PRRC2C: variants seen among roughly 807,000 people sequenced by gnomAD.
The protein encoded by PRRC2C is protein PRRC2C.
Under a neutral mutation model 317.2 loss-of-function variants are expected in PRRC2C, and 72 were observed. The observed-to-expected ratio is 0.23, with a 90% CI of 0.19 to 0.28. PRRC2C has a LOEUF of 0.28. PRRC2C is among the 10% of genes least tolerant of loss of function. PRRC2C has a pLI of 1.00. For missense variants in PRRC2C, 3,074 were observed against 3,459.7 expected (o/e 0.89, Z 2.80); for synonymous variants, 1,296 against 1,205.9 (o/e 1.07, Z -1.55).
At chr1:171,520,635 A>G (rs540830306) in intron 6 of PRRC2C, among the ~76,000 whole-genome samples, 1 of 152,262 alleles carries the variant, frequency 6.6e-6, no homozygotes, top group East Asian at 1.9e-4. Context: ...AACTTTAGCT[A>G]TGAACATATG....
rs970871279 is a variant in PRRC2C at position 171,592,999 on chromosome 1, G to C, written c.*1152G>C. ...GTAGTGACCGTGCTTTATCAGAGCT[G>C]TTTTTAATGATGTTATTCTAGAATG... On this transcript the variant is annotated 3_prime_UTR_variant, in exon 35 of 35. Coordinates refer to ENST00000647382, the MANE Select transcript of PRRC2C (RefSeq NM_001387844.1). 1.3e-5 allele frequency: 2 copies of C among 152,108 alleles called. No individual in the cohort carries two copies. Among genetic ancestry groups the C allele is most frequent in the African/African-American group, 4.8e-5 (2 of 41,522 alleles). 9.4% of individuals were successfully genotyped at this position (152,108 alleles called of 1,614,324 possible). A position where few individuals can be genotyped will look rare whatever the true frequency, so the allele number is the denominator to read the frequency against.
chr1:171,542,678 C>G (rs1678173458), intron 16 of PRRC2C, among the ~76,000 whole-genome samples: 1 of 152,162 alleles, frequency 6.6e-6, no homozygotes, highest in African/African-American at 2.4e-5. Context: ...TGTTCTACTA[C>G]CAAGGACACC....
intron 18 of PRRC2C, among the ~76,000 whole-genome samples, chr1:171,555,807 G>T (rs1391631052): frequency 6.6e-6 from 1 of 152,216 alleles, no homozygotes; most frequent in East Asian, 1.9e-4. Flanking sequence ...AAATATTGCA[G>T]AACAGCAAAT....
chr1:171,539,918 C>T, intron 15 of PRRC2C, 53 bp from the exon 16 acceptor site: 8 of 1,423,542 alleles, frequency 5.6e-6, no homozygotes, highest in Admixed American at 4.2e-5. Context: ...TATATACTTA[C>T]GCATGGGAAA....
intron 6 of PRRC2C, among the ~76,000 whole-genome samples, chr1:171,519,291 GT>G (rs1478307487): frequency 1.3e-5 from 2 of 152,176 alleles, no homozygotes; most frequent in African/African-American, 4.8e-5. Flanking sequence ...TTGCAATGCT[GT>G]TATACATAAA....
rs1204050363 is a variant in PRRC2C, at chr1:171,498,915, C to T, written c.-57-13117C>T. 9.9e-5 allele frequency among the ~76,000 whole-genome samples: 15 copies of T among 152,194 alleles called. No homozygotes were observed. The East Asian group carries it at 2.9e-3, about 29-fold the overall frequency. Reference sequence around the variant, plus strand: ...CTCCTGGGTTCAAATGGCCCTTCCACCTCAGCCTCCTGAGTAGCTGGGACG... The same window carrying T: ...CTCCTGGGTTCAAATGGCCCTTCCATCTCAGCCTCCTGAGTAGCTGGGACG... On this transcript the variant is annotated intron_variant, in intron 1 of 34. Coordinates refer to ENST00000647382, the MANE Select transcript of PRRC2C (RefSeq NM_001387844.1).
rs1678916343 is a variant in PRRC2C at position 171,545,508 on chromosome 1, C to G, written c.4793C>G (p.Thr1598Ser). The G allele has an allele frequency of 3.8e-6, 6 of 1,578,928 alleles. No individual in the cohort carries two copies. The highest frequency in any genetic ancestry group is 5.2e-6 in the Non-Finnish European group (6 of 1,161,840). ...GPFDDQPAGT[T>S]GVDLINGSSA... ...TTTGATGACCAGCCTGCAGGCACAACTGGGGTTGACCTCATCAATGGCAGC... is the reference window on the plus strand; with the variant it reads ...TTTGATGACCAGCCTGCAGGCACAAGTGGGGTTGACCTCATCAATGGCAGC... Residue 1598 changes from threonine to serine, a missense_variant, in exon 17 of 35, where the codon ACT becomes AGT. Around this residue, in one of 11 missense-constraint regions of PRRC2C, gnomAD observed 178 missense variants for 163.0 expected, o/e 1.09. Coordinates refer to ENST00000647382, the MANE Select transcript of PRRC2C (RefSeq NM_001387844.1).
Position 171,540,031 on chromosome 1 carries a change from A to C in PRRC2C, c.2565A>C (p.Gln855His), listed in dbSNP as rs149042601. Residue 855 changes from glutamine (Q) to histidine (H), a missense_variant, in exon 16 of 35, where the codon CAA becomes CAC. Physicochemically the swap from Gln to His is conservative, Grantham distance 24 (BLOSUM62 0). Around this residue, in one of 11 missense-constraint regions of PRRC2C, gnomAD observed 1,320 missense variants for 1,395.7 expected, o/e 0.95. Transcript: ENST00000647382. ...CTGCTTATTCTGTAGAACATAATCA[A>C]TTAGAGGCTCACCCAAAGGCAGACT... The part of the protein sequence containing the change: ...ITAAYSVEHN[Q>H]LEAHPKADFI... 4 of 1,613,870 alleles carry C rather than the reference A, an allele frequency of 2.5e-6. No homozygotes were observed. The highest frequency in any genetic ancestry group is 3.4e-6 in the Non-Finnish European group (4 of 1,179,884).
In PRRC2C at chr1:171,566,658, T is replaced by C; in HGVS notation, c.6373T>C (p.Leu2125=). 5 of 1,609,684 alleles carry C rather than the reference T, an allele frequency of 3.1e-6. No individual in the cohort carries two copies. Among genetic ancestry groups the C allele is most frequent in the Non-Finnish European group, 4.2e-6 (5 of 1,177,692 alleles). ...TGGTCCCATTGGAAAGGAACGTTCA[T>C]TAAAAAATAGAAAAGTAAAAGATGC... is the stretch of plus-strand genomic sequence containing the variant. ...KPGPIGKERS[L]KNRKVKDAQQ... The change falls in exon 22 of 35, where the codon TTA becomes CTA. Residue 2125 remains leucine, a synonymous_variant. Transcript: ENST00000647382.
intron 12 of PRRC2C, among the ~76,000 whole-genome samples, chr1:171,533,756 T>C (rs1003765029): frequency 6.6e-6 from 1 of 152,162 alleles, no homozygotes; most frequent in African/African-American, 2.4e-5. Context: ...CCCAAGTAGC[T>C]GGGGCTACAG....
Position 171,587,771 on chromosome 1 carries a change from T to G in PRRC2C, c.8072+20T>G. On this transcript the variant is annotated intron_variant, in intron 32 of 34. Coordinates refer to ENST00000647382, the MANE Select transcript of PRRC2C (RefSeq NM_001387844.1). ...CTTCCGGTAAAATGGGCATTTAAAT[T>G]TGCTTATGAAATTCCAATTTGGTCA... 6.4e-7 allele frequency: 1 copy of G among 1,555,590 alleles called. No individual in the cohort carries two copies. The highest frequency in any genetic ancestry group is 8.9e-7 in the Non-Finnish European group (1 of 1,128,928).
chr1:171,589,019 T>A (rs959238872), intron 33 of PRRC2C, among the ~76,000 whole-genome samples: 2 of 152,236 alleles, frequency 1.3e-5, no homozygotes, highest in African/African-American at 4.8e-5. Context: ...TTGATTTTAT[T>A]TATCTTCAGA....
At position 171,535,465 on chromosome 1, in the gene PRRC2C, C is replaced by G. The variant is rs1289745480; in HGVS notation, c.1911C>G (p.Arg637=). ...TTTTCACTAGACAAGACAGCAATCG[C>G]AGTGAAAAGGAAGCCACACCAGTGG... The part of the protein sequence containing the change: ...EPVFTRQDSN[R]SEKEATPVVH... The change falls in exon 13 of 35, where the codon CGC becomes CGG. Residue 637 remains arginine (R), a synonymous_variant. Coordinates refer to ENST00000647382, the MANE Select transcript of PRRC2C (RefSeq NM_001387844.1). The G allele has an allele frequency of 6.2e-6, 10 of 1,613,686 alleles. No individual in the cohort carries two copies. In the African/African-American group the frequency reaches 1.2e-4, roughly 19 times the overall value.
At chr1:171,591,047 C>A in intron 34 of PRRC2C, 3 of 459,842 alleles carry the variant, frequency 6.5e-6, no homozygotes, top group Non-Finnish European at 8.6e-6. Flanking sequence ...GGCACATAGT[C>A]AAAACTAAGA....
Position 171,584,520 on chromosome 1 carries a change from C to A in PRRC2C, c.7743C>A (p.Leu2581=). 1 of 1,578,860 alleles carries A rather than the reference C, an allele frequency of 6.3e-7. No homozygotes were observed. The highest frequency in any genetic ancestry group is 2.3e-5 in the East Asian group (1 of 43,360). Residue 2581 remains leucine (L), a synonymous_variant, in exon 30 of 35, where the codon CTC becomes CTA. Coordinates refer to ENST00000647382, the MANE Select transcript of PRRC2C (RefSeq NM_001387844.1). The part of the protein sequence containing the change: ...FYNTAQSPSA[L]QQVTVPLPAS... Reference sequence around the variant, plus strand: ...ACACTGCCCAGTCACCAAGTGCTCTCCAGCAGGTAAACTATGGCATGGTAA... The same window carrying A: ...ACACTGCCCAGTCACCAAGTGCTCTACAGCAGGTAAACTATGGCATGGTAA...
chr1:171,537,544 G>A lies in PRRC2C; in HGVS notation c.2504+71G>A, dbSNP rs979741602. 1.3e-5 allele frequency: 18 copies of A among 1,334,580 alleles called. No homozygotes were observed. In the East Asian group the frequency reaches 4.3e-4, roughly 32 times the overall value. The allele number at this position is 1,334,580 out of a possible 1,614,324, so 82.7% of individuals were successfully genotyped here. A position where few individuals can be genotyped will look rare whatever the true frequency, so the allele number is the denominator to read the frequency against. ...AAAAGGAAAACTGTGTAGTGTTTCT[G>A]AAGATCATTCCAATTTAGGACTGAA... is the stretch of plus-strand genomic sequence containing the variant. On this transcript the variant is annotated intron_variant, in intron 15 of 34. Coordinates refer to ENST00000647382, the MANE Select transcript of PRRC2C (RefSeq NM_001387844.1).
chr1:171,587,859 T>C, intron 32 of PRRC2C, 108 bp downstream of exon 32: 1 of 643,344 alleles, frequency 1.6e-6, no homozygotes, highest in Non-Finnish European at 2.6e-6. Context: ...GAAAAGGAAT[T>C]ATTAAGACAT....
chr1:171,543,426 A>G (rs138934501), intron 16 of PRRC2C, among the ~76,000 whole-genome samples: 1 of 152,320 alleles, frequency 6.6e-6, no homozygotes, highest in East Asian at 1.9e-4. Context: ...CCTAGGTTCA[A>G]ATCTCGGCTC....
intron 6 of PRRC2C, among the ~76,000 whole-genome samples, chr1:171,521,047 A>G (rs1362273556): frequency 1.3e-5 from 2 of 151,186 alleles, no homozygotes; most frequent in African/African-American, 2.4e-5. Flanking sequence ...CTCGTGATCT[A>G]CCCGCTTCGG....
Sources: allele counts gnomAD v4.1 joint callset (sites outside exome capture counted in the v4.1 genomes callset), GRCh38; gene constraint gnomAD v4.1.1; regional missense constraint gnomAD v4.1.1; transcripts MANE v1.5; gene names NCBI Gene and HGNC (gene_info 2026-07-23, HGNC 2026-07-21).